DIP2C: variants seen among roughly 807,000 people sequenced by gnomAD.
DIP2C encodes the protein DIP2 acetate--CoA ligase C (putative).
A neutral mutation model predicts 192.4 loss-of-function variants in DIP2C; 33 were observed. The ratio of observed to expected loss-of-function variants is 0.17; its 90% CI spans 0.13 to 0.23. DIP2C has a LOEUF of 0.23. Among genes scored for constraint, DIP2C ranks in the 10% least tolerant of loss-of-function variants. The pLI is 1.00. For synonymous variants in DIP2C, 979 were observed against 864.1 expected, an observed-to-expected ratio of 1.13 and a Z score of -2.33; for missense variants, 1,537 against 2,110.1, an observed-to-expected ratio of 0.73 and a Z score of 5.32.
intron 31 of DIP2C, among the ~76,000 whole-genome samples, chr10:325,839 ATAAT>A (rs1297098466): frequency 2.6e-4 from 40 of 152,306 alleles, no homozygotes; most frequent in African/African-American, 8.7e-4. Context: ...AGCTATTATA[ATAAT>A]TAAAAGAGAA....
intron 1 of DIP2C, among the ~76,000 whole-genome samples, chr10:603,361 C>G (rs1852233826): frequency 7.8e-6 from 1 of 128,904 alleles, no homozygotes; most frequent in African/African-American, 3.0e-5. Flanking sequence ...CTGCTTCATA[C>G]TAGTAATGTG....
chr10:445,614 A>AGTAT (rs1564721306), intron 3 of DIP2C, among the ~76,000 whole-genome samples: 1 of 112,166 alleles, frequency 8.9e-6, no homozygotes, highest in Non-Finnish European at 1.6e-5. Flanking sequence ...ATCTGTATAC[A>AGTAT]ACTGTTGCGA....
At chr10:478,967 G>A (rs1251272928) in intron 2 of DIP2C, among the ~76,000 whole-genome samples, 1 of 152,150 alleles carries the variant, frequency 6.6e-6, no homozygotes, top group East Asian at 1.9e-4. Flanking sequence ...CCAGCACCCA[G>A]GGGCAAGCGC....
intron 32 of DIP2C, among the ~76,000 whole-genome samples, chr10:303,431 G>A (rs899895275): frequency 1.1e-4 from 17 of 152,024 alleles, no homozygotes; most frequent in African/African-American, 4.8e-5. Flanking sequence ...AAAGCTTTTT[G>A]ACTCACTTAT....
intron 2 of DIP2C, among the ~76,000 whole-genome samples, chr10:485,179 T>C (rs1352025137): frequency 6.6e-6 from 1 of 152,224 alleles, no homozygotes; most frequent in Admixed American, 6.5e-5. Context: ...CACTTTTGTT[T>C]GGCAAGGCAA....
chr10:555,208 G>A (rs1402671047), intron 1 of DIP2C, among the ~76,000 whole-genome samples: 3 of 149,064 alleles, frequency 2.0e-5, no homozygotes. Context: ...TTTTTCCCAA[G>A]CCATTACTGA....
At chr10:584,139 C>T (rs561164721) in intron 1 of DIP2C, among the ~76,000 whole-genome samples, 4 of 152,160 alleles carry the variant, frequency 2.6e-5, no homozygotes, top group African/African-American at 7.2e-5. Flanking sequence ...CTAAATCCTG[C>T]TAACTGCACC....
chr10:606,672 A>AT (rs1276972983), intron 1 of DIP2C, among the ~76,000 whole-genome samples: 2 of 152,232 alleles, frequency 1.3e-5, no homozygotes, highest in South Asian at 2.1e-4. Flanking sequence ...TGTGATCTGA[A>AT]TTCTCATTAG....
At chr10:453,251 G>C (rs1564731371) in intron 3 of DIP2C, among the ~76,000 whole-genome samples, 1 of 152,276 alleles carries the variant, frequency 6.6e-6, no homozygotes, top group Non-Finnish European at 1.5e-5. Context: ...CCTGAATACA[G>C]TTTTACCCGG....
intron 1 of DIP2C, among the ~76,000 whole-genome samples, chr10:508,615 G>A (rs564459260): frequency 2.6e-5 from 4 of 152,156 alleles, no homozygotes; most frequent in Admixed American, 6.5e-5. Context: ...GGGATGGATG[G>A]ATGGGTGAGT....
At chr10:674,148 T>G (rs1440082348) in intron 1 of DIP2C, among the ~76,000 whole-genome samples, 4 of 152,054 alleles carry the variant, frequency 2.6e-5, no homozygotes, top group Non-Finnish European at 5.9e-5. Context: ...GCACCCCAAT[T>G]AAAAGATATA....
intron 29 of DIP2C, among the ~76,000 whole-genome samples, chr10:335,225 TCAAA>T (rs1178246630): frequency 1.3e-5 from 2 of 152,226 alleles, no homozygotes; most frequent in Admixed American, 1.3e-4. Flanking sequence ...TACTTAACTT[TCAAA>T]CAATCACAAA....
intron 32 of DIP2C, among the ~76,000 whole-genome samples, chr10:305,971 A>AT (rs1307887325): frequency 4.6e-4 from 6 of 13,040 alleles, no homozygotes; most frequent in African/African-American, 5.8e-4. Flanking sequence ...AAATGCAGAC[A>AT]AATATATATA....
intron 1 of DIP2C, among the ~76,000 whole-genome samples, chr10:660,365 C>G (rs1030471049): frequency 1.3e-5 from 2 of 150,734 alleles, no homozygotes; most frequent in African/African-American, 4.9e-5. Context: ...GTCCCTGTTT[C>G]AAGTTCTGTG....
chr10:388,188 G>T (rs1039349550), intron 13 of DIP2C, among the ~76,000 whole-genome samples: 3 of 152,186 alleles, frequency 2.0e-5, no homozygotes, highest in Non-Finnish European at 4.4e-5. Flanking sequence ...CACAGAGGAG[G>T]AAGTGGATTT....
Position 310,064 on chromosome 10 carries a change from A to T in DIP2C, c.3953T>A (p.Val1318Asp). The T allele has an allele frequency of 6.2e-7, 1 of 1,614,226 alleles. No individual in the cohort carries two copies. Among genetic ancestry groups the T allele is most frequent in the Non-Finnish European group, 8.5e-7 (1 of 1,180,034 alleles). Residue 1318 changes from valine to aspartate, a missense_variant, in exon 32 of 37, where the codon GTC (valine) becomes GAC (aspartate). Val to Asp is a radical substitution (Grantham distance 152). Transcript: ENST00000280886. Reference sequence around the variant, plus strand: ...TCTCAGGGCTCTCATGTCCACGTAGACAGTGGTTGGGTCAGGTCCTGAGGT... The same window carrying T: ...TCTCAGGGCTCTCATGTCCACGTAGTCAGTGGTTGGGTCAGGTCCTGAGGT... Reference protein sequence around the residue: ...QGTSGPDPTTVYVDMRALRHD... With the variant: ...QGTSGPDPTTDYVDMRALRHD...
At chr10:533,084 GCA>G (rs1294826279) in intron 1 of DIP2C, among the ~76,000 whole-genome samples, 2 of 152,230 alleles carry the variant, frequency 1.3e-5, no homozygotes, top group Admixed American at 1.3e-4. Flanking sequence ...ATAGATCCCA[GCA>G]CACTCTCACA....
At chr10:493,346 C>T (rs550278129) in intron 1 of DIP2C, among the ~76,000 whole-genome samples, 3 of 152,362 alleles carry the variant, frequency 2.0e-5, no homozygotes, top group East Asian at 1.9e-4. Context: ...GTATTAAACA[C>T]AGCTACTTCC....
At chr10:576,036 C>T (rs576921573) in intron 1 of DIP2C, among the ~76,000 whole-genome samples, 17 of 152,346 alleles carry the variant, frequency 1.1e-4, no homozygotes, top group African/African-American at 3.6e-4. Flanking sequence ...CTGTTGCCAT[C>T]CAGCACAGTG....
Sources: allele counts gnomAD v4.1 joint callset (sites outside exome capture counted in the v4.1 genomes callset), GRCh38; gene constraint gnomAD v4.1.1; transcripts MANE v1.5; gene names NCBI Gene and HGNC (gene_info 2026-07-23, HGNC 2026-07-21).